Variants in PDE4D observed in about 807,000 individuals in gnomAD.
The protein encoded by PDE4D is 3',5'-cyclic-AMP phosphodiesterase 4D.
Under a neutral mutation model 87.4 loss-of-function variants are expected in PDE4D, and 24 were observed. That is an observed-to-expected ratio of 0.27 (90% CI 0.20 to 0.39). The LOEUF is 0.39. Among genes scored for constraint, PDE4D ranks in the 10% least tolerant of loss-of-function variants. PDE4D has a pLI of 1.00. For synonymous variants in PDE4D, 384 were observed against 383.2 expected (o/e 1.00, Z -0.02); for missense variants, 714 against 1,041.0 (o/e 0.69, Z 4.32).
chr5:59,144,905 G>A (rs867163973), intron 5 of PDE4D, among the ~76,000 whole-genome samples: 88 of 90,250 alleles, frequency 9.8e-4, no homozygotes, highest in South Asian at 2.9e-3. Context: ...GGGGGGGGGG[G>A]AACCATCCAG....
At chr5:60,435,985 G>A (rs1209315889) in intron 1 of PDE4D, among the ~76,000 whole-genome samples, 1 of 152,092 alleles carries the variant, frequency 6.6e-6, no homozygotes, top group Non-Finnish European at 1.5e-5. Flanking sequence ...ACCAAGGCTA[G>A]TAGGGAAAAG....
At chr5:59,703,505 A>G in intron 1 of PDE4D, 1 of 521,170 alleles carries the variant, frequency 1.9e-6, no homozygotes, top group Non-Finnish European at 3.9e-6. Context: ...TGATAATTCA[A>G]AAAGGCACCA....
At chr5:59,630,518 T>C (rs1831430965) in intron 1 of PDE4D, among the ~76,000 whole-genome samples, 1 of 152,208 alleles carries the variant, frequency 6.6e-6, no homozygotes, top group Non-Finnish European at 1.5e-5. Context: ...CCTGCCTTCC[T>C]GAAAATATGG....
intron 2 of PDE4D, among the ~76,000 whole-genome samples, chr5:60,060,161 A>G (rs561180903): frequency 1.4e-4 from 21 of 152,180 alleles, no homozygotes; most frequent in African/African-American, 4.8e-4. Context: ...GATTTCCATC[A>G]CAAAGTTCTC....
At chr5:60,133,539 C>T (rs1002728517) in intron 2 of PDE4D, among the ~76,000 whole-genome samples, 3 of 151,946 alleles carry the variant, frequency 2.0e-5, no homozygotes, top group African/African-American at 7.3e-5. Context: ...GATAACCTGA[C>T]GTAACTATCA....
intron 11 of PDE4D, among the ~76,000 whole-genome samples, chr5:58,986,962 G>GATATATAT (rs5868149): frequency 6.6e-6 from 1 of 151,000 alleles, no homozygotes; most frequent in Non-Finnish European, 1.5e-5. Context: ...GTTTAAGATA[G>GATATATAT]ATATATATAT....
At chr5:59,380,395 A>T (rs959842743) in intron 1 of PDE4D, among the ~76,000 whole-genome samples, 3 of 150,112 alleles carry the variant, frequency 2.0e-5, no homozygotes, top group Non-Finnish European at 4.5e-5. Context: ...AATCAAAAAA[A>T]AAAAAAAAAA....
intron 1 of PDE4D, among the ~76,000 whole-genome samples, chr5:60,444,334 C>T (rs1157996752): frequency 7.2e-5 from 11 of 152,082 alleles, no homozygotes; most frequent in African/African-American, 2.7e-4. Flanking sequence ...GCCATACATT[C>T]ATTGTTTGCA....
intron 1 of PDE4D, among the ~76,000 whole-genome samples, chr5:59,778,949 G>A (rs1457304099): frequency 2.6e-5 from 4 of 152,172 alleles, no homozygotes; most frequent in Non-Finnish European, 4.4e-5. Flanking sequence ...CCAATCACCT[G>A]AGGTCAGGAA....
chr5:59,725,547 T>C (rs1486054449), intron 1 of PDE4D, among the ~76,000 whole-genome samples: 1 of 152,052 alleles, frequency 6.6e-6, no homozygotes, highest in African/African-American at 2.4e-5. Flanking sequence ...GAACTGTAAA[T>C]CTCTTCTACT....
At chr5:60,015,109 G>A (rs1457609710) in intron 2 of PDE4D, among the ~76,000 whole-genome samples, 1 of 152,188 alleles carries the variant, frequency 6.6e-6, no homozygotes, top group Non-Finnish European at 1.5e-5. Context: ...TTGCAGGGAA[G>A]GGGGATTACA....
At chr5:59,061,915 G>A (rs917486628) in intron 5 of PDE4D, among the ~76,000 whole-genome samples, 6 of 152,012 alleles carry the variant, frequency 3.9e-5, no homozygotes, top group African/African-American at 1.5e-4. Context: ...ACCTACCACC[G>A]AAGTAGAGAC....
intron 1 of PDE4D, among the ~76,000 whole-genome samples, chr5:59,588,155 C>A (rs896329534): frequency 1.3e-5 from 2 of 152,136 alleles, no homozygotes; most frequent in African/African-American, 4.8e-5. Context: ...TGCCATAAAA[C>A]TGCTTGTTTG....
In PDE4D at chr5:60,453,851, T is replaced by C. The variant is rs534784848; in HGVS notation, c.-90+34091A>G. On this transcript the variant is annotated intron_variant, in intron 1 of 16. Coordinates refer to the PDE4D transcript ENST00000502484. ...TTCATGATCTTTTGAAGAAACAATG[T>C]ATAAGTGCACCTGTGTTATTTTATG... is the stretch of plus-strand genomic sequence containing the variant. Among the ~76,000 whole-genome samples the C allele has an allele frequency of 5.3e-5, 8 of 152,304 alleles. No individual in the cohort carries two copies. The East Asian group carries it at 1.5e-3, about 29-fold the overall frequency.
chr5:60,156,744 A>G (rs1364508798), intron 2 of PDE4D, among the ~76,000 whole-genome samples: 3 of 152,094 alleles, frequency 2.0e-5, no homozygotes. Context: ...TTTTCTATGT[A>G]TGCTTTTAAG....
chr5:59,663,491 A>G (rs1408877924), intron 1 of PDE4D, among the ~76,000 whole-genome samples: 2 of 152,222 alleles, frequency 1.3e-5, no homozygotes, highest in African/African-American at 4.8e-5. Flanking sequence ...TTTTTCAAAT[A>G]GAAAATCAAT....
chr5:59,641,722 T>A (rs1020296221), intron 1 of PDE4D, among the ~76,000 whole-genome samples: 2 of 152,156 alleles, frequency 1.3e-5, no homozygotes, highest in Admixed American at 1.3e-4. Flanking sequence ...TTACTAATAA[T>A]CAAATAAATA....
At chr5:60,465,881 T>TG (rs1747313998) in intron 1 of PDE4D, among the ~76,000 whole-genome samples, 1 of 136,018 alleles carries the variant, frequency 7.4e-6, no homozygotes, top group South Asian at 2.3e-4. Context: ...GCAGTGAAAG[T>TG]GAAAAAAAAA....
Position 58,974,909 on chromosome 5 carries a change from C to T in PDE4D, c.2185G>A (p.Gly729Ser), listed in dbSNP as rs1743332562. 1 of 1,612,696 alleles carries T rather than the reference C, an allele frequency of 6.2e-7. No homozygotes were observed. Among genetic ancestry groups the T allele is most frequent in the African/African-American group, 1.3e-5 (1 of 74,992 alleles). Residue 729 changes from glycine (G) to serine (S), a missense_variant, in exon 15 of 15, where the codon GGT becomes AGT. Physicochemically the swap from Gly to Ser is moderately conservative, Grantham distance 56. Transcript: ENST00000340635. The part of the protein sequence containing the change: ...APDDPEEGRQ[G>S]QTEKFQFELT... ...TCAAACTGGAATTTCTCAGTTTGACCCTGCCGGCCCTCCTCTGGGTCATCA... is the reference window on the plus strand; with the variant it reads ...TCAAACTGGAATTTCTCAGTTTGACTCTGCCGGCCCTCCTCTGGGTCATCA...
Sources: allele counts gnomAD v4.1 joint callset (sites outside exome capture counted in the v4.1 genomes callset), GRCh38; gene constraint gnomAD v4.1.1; transcripts MANE v1.5; gene names NCBI Gene and HGNC (gene_info 2026-07-23, HGNC 2026-07-21).